Variants in GOLPH3 observed in about 807,000 individuals in gnomAD.
The protein encoded by GOLPH3 is golgi phosphoprotein 3.
Under a neutral mutation model 28.5 loss-of-function variants are expected in GOLPH3, and 14 were observed. The ratio of observed to expected loss-of-function variants is 0.49; its 90% confidence interval spans 0.32 to 0.77. The LOEUF (loss-of-function observed/expected upper bound fraction) is 0.77. Ranked by LOEUF, GOLPH3 falls within the 30% of genes least tolerant of loss-of-function variation. The pLI, the probability that GOLPH3 is intolerant of heterozygous loss-of-function variation, is 0.03. For synonymous variants in GOLPH3, 158 were observed against 159.2 expected, an observed-to-expected ratio of 0.99 and a Z score of 0.06; for missense variants, 350 against 393.7, an observed-to-expected ratio of 0.89 and a Z score of 0.94.
intron 1 of GOLPH3, among the ~76,000 whole-genome samples, chr5:32,152,804 C>CAAAAA (rs371434993): frequency 7.0e-6 from 1 of 143,038 alleles, no homozygotes. Flanking sequence ...AAAACAAAAA[C>CAAAAA]AAAAAAAAAA....
At chr5:32,161,426 G>GT (rs1554049486) in intron 1 of GOLPH3, among the ~76,000 whole-genome samples, 1 of 79,642 alleles carries the variant, frequency 1.3e-5, no homozygotes, top group African/African-American at 4.9e-5. Context: ...CAAAGCTGAG[G>GT]AAAAAAAAAA....
At chr5:32,151,095 T>C (rs1453039558) in intron 1 of GOLPH3, among the ~76,000 whole-genome samples, 1 of 152,054 alleles carries the variant, frequency 6.6e-6, no homozygotes, top group Non-Finnish European at 1.5e-5. Context: ...ATTCTCAAAA[T>C]CTAGGAGCAA....
At chr5:32,165,731 G>C (rs187699751) in intron 1 of GOLPH3, among the ~76,000 whole-genome samples, 2 of 152,326 alleles carry the variant, frequency 1.3e-5, no homozygotes, top group Non-Finnish European at 2.9e-5. Flanking sequence ...GCCTCTCACA[G>C]AGCATGTGCT....
chr5:32,160,262 G>A (rs966333701), intron 1 of GOLPH3, among the ~76,000 whole-genome samples: 4 of 152,118 alleles, frequency 2.6e-5, no homozygotes, highest in African/African-American at 9.7e-5. Flanking sequence ...TATTAAAATA[G>A]AGACAGGGTA....
intron 1 of GOLPH3, among the ~76,000 whole-genome samples, chr5:32,172,040 G>T (rs1296993158): frequency 6.6e-6 from 1 of 151,906 alleles, no homozygotes; most frequent in African/African-American, 2.4e-5. Flanking sequence ...ACATTACTAG[G>T]ACGCTATACC....
chr5:32,137,351 C>T (rs1343450041), intron 2 of GOLPH3, among the ~76,000 whole-genome samples: 1 of 151,962 alleles, frequency 6.6e-6, no homozygotes, highest in Non-Finnish European at 1.5e-5. Flanking sequence ...AATACTGCAA[C>T]TTTTTTTTAA....
intron 1 of GOLPH3, among the ~76,000 whole-genome samples, chr5:32,173,580 A>C (rs1746896471): frequency 6.6e-6 from 1 of 152,186 alleles, no homozygotes; most frequent in Non-Finnish European, 1.5e-5. Context: ...AGGGGTAAGG[A>C]AAAATCCAAG....
intron 2 of GOLPH3, among the ~76,000 whole-genome samples, chr5:32,141,292 GAAA>G (rs1239633410): frequency 6.6e-6 from 1 of 151,938 alleles, no homozygotes; most frequent in Non-Finnish European, 1.5e-5. Context: ...ACTGATTTAG[GAAA>G]AAAACTAGTT....
At chr5:32,163,243 C>T (rs1204606118) in intron 1 of GOLPH3, among the ~76,000 whole-genome samples, 1 of 152,238 alleles carries the variant, frequency 6.6e-6, no homozygotes, top group African/African-American at 2.4e-5. Flanking sequence ...CTATGTACAT[C>T]CTTACTGCAC....
intron 1 of GOLPH3, among the ~76,000 whole-genome samples, chr5:32,167,883 G>A (rs181178175): frequency 2.0e-4 from 31 of 152,180 alleles, no homozygotes; most frequent in Non-Finnish European, 4.3e-4. Context: ...GAGTTCAGGA[G>A]GTCGAGGTTG....
At chr5:32,158,477 TCA>T (rs1048166344) in intron 1 of GOLPH3, among the ~76,000 whole-genome samples, 1 of 152,144 alleles carries the variant, frequency 6.6e-6, no homozygotes, top group Admixed American at 6.6e-5. Context: ...TCAAATATTC[TCA>T]CAGTTACCAT....
chr5:32,164,989 T>A (rs965442809), intron 1 of GOLPH3, among the ~76,000 whole-genome samples: 1 of 146,270 alleles, frequency 6.8e-6, no homozygotes, highest in African/African-American at 2.6e-5. Context: ...AACCTCCACC[T>A]CCTGGGTTCA....
chr5:32,134,132 A>C (rs555940569), intron 3 of GOLPH3, among the ~76,000 whole-genome samples: 1 of 152,310 alleles, frequency 6.6e-6, no homozygotes, highest in South Asian at 2.1e-4. Flanking sequence ...GGGCTTTAGG[A>C]AGCCTTGATG....
chr5:32,126,278 T>C lies in GOLPH3; in HGVS notation c.831A>G (p.Glu277=), dbSNP rs756595464. ...RVRQLLDLDP[E]VECLKANTNE... is the part of the protein sequence containing the mutation. The stretch of plus-strand genomic sequence containing the variant: ...TGGTGTTGGCCTTCAGACATTCCAC[T>C]TCAGGGTCTAAGTCGAGAAGCTGCC... Residue 277 remains glutamate, a synonymous_variant, in exon 4 of 4, where the codon GAA becomes GAG. Transcript: ENST00000265070. 9.9e-6 allele frequency: 16 copies of C among 1,614,018 alleles called. No homozygotes were observed. In the East Asian group the frequency reaches 2.4e-4, roughly 25 times the overall value.
intron 2 of GOLPH3, among the ~76,000 whole-genome samples, chr5:32,142,111 A>G (rs1395056153): frequency 1.4e-5 from 2 of 143,028 alleles, no homozygotes; most frequent in Non-Finnish European, 3.0e-5. Context: ...CCCAGTCTGG[A>G]AAGTGAGGAG....
At chr5:32,149,935 T>A (rs1746268610) in intron 1 of GOLPH3, among the ~76,000 whole-genome samples, 1 of 151,388 alleles carries the variant, frequency 6.6e-6, no homozygotes, top group Non-Finnish European at 1.5e-5. Context: ...AGGCAGAGGC[T>A]GCAGTGAGCC....
chr5:32,135,949 CA>C (rs1411059580), intron 2 of GOLPH3, among the ~76,000 whole-genome samples: 2 of 152,168 alleles, frequency 1.3e-5, no homozygotes, highest in East Asian at 3.9e-4. Flanking sequence ...CTGAGGCAAG[CA>C]GATCACTTGA....
intron 3 of GOLPH3, among the ~76,000 whole-genome samples, chr5:32,127,585 G>T (rs576143707): frequency 1.3e-5 from 2 of 152,096 alleles, no homozygotes; most frequent in African/African-American, 4.8e-5. Flanking sequence ...CACATTTCAC[G>T]TATACAATAG....
At chr5:32,131,332 G>A (rs191873548) in intron 3 of GOLPH3, among the ~76,000 whole-genome samples, 12 of 152,236 alleles carry the variant, frequency 7.9e-5, no homozygotes, top group Non-Finnish European at 1.6e-4. Context: ...TTTTATTTTC[G>A]AAGAACTAAG....
Sources: allele counts gnomAD v4.1 joint callset (sites outside exome capture counted in the v4.1 genomes callset), GRCh38; gene constraint gnomAD v4.1.1; transcripts MANE v1.5; gene names NCBI Gene and HGNC (gene_info 2026-07-23, HGNC 2026-07-21).